RYR3: variants seen among roughly 807,000 people sequenced by gnomAD.
The protein encoded by RYR3 is ryanodine receptor 3, also known as brain ryanodine receptor-calcium release channel.
Under a neutral mutation model 584.3 loss-of-function variants are expected in RYR3, and 207 were observed. That is an observed-to-expected ratio of 0.35 (90% CI 0.32 to 0.40). RYR3 has a LOEUF of 0.40. Ranked by LOEUF, RYR3 falls within the 10% of genes least tolerant of loss-of-function variation. RYR3 has a pLI of 1.00. For missense variants in RYR3, 5,616 were observed against 6,089.2 expected, an observed-to-expected ratio of 0.92 and a Z score of 2.59; for synonymous variants, 2,416 against 2,248.5, an observed-to-expected ratio of 1.07 and a Z score of -2.11.
intron 19 of RYR3, among the ~76,000 whole-genome samples, chr15:33,618,028 G>A (rs908299146): frequency 2.0e-5 from 3 of 152,094 alleles, no homozygotes; most frequent in East Asian, 1.9e-4. Flanking sequence ...GTAGCCCACC[G>A]AAAAGGCTGA....
chr15:33,526,467 C>T (rs1322507798), intron 3 of RYR3, among the ~76,000 whole-genome samples: 1 of 152,150 alleles, frequency 6.6e-6, no homozygotes, highest in Non-Finnish European at 1.5e-5. Flanking sequence ...TCTGGACCTC[C>T]TTTGTGAGCA....
intron 18 of RYR3, among the ~76,000 whole-genome samples, chr15:33,608,736 T>C (rs755828109): frequency 1.3e-5 from 2 of 152,258 alleles, no homozygotes; most frequent in Non-Finnish European, 2.9e-5. Flanking sequence ...ATGGATTCAA[T>C]TTGCTTATAA....
chr15:33,839,821 G>A (rs577387932), intron 89 of RYR3: 4 of 152,240 alleles, frequency 2.6e-5, no homozygotes, highest in East Asian at 1.9e-4. Flanking sequence ...ACGCTGGTTC[G>A]AAGATTCAGG....
At chr15:33,650,397 A>G (rs1221226977) in intron 31 of RYR3, among the ~76,000 whole-genome samples, 2 of 152,212 alleles carry the variant, frequency 1.3e-5, no homozygotes, top group Non-Finnish European at 2.9e-5. Context: ...AAATAAAAAA[A>G]TAAGTGCTGG....
At chr15:33,848,205 G>A in intron 93 of RYR3, 86 bp from the exon 94 acceptor site, 2 of 1,534,558 alleles carry the variant, frequency 1.3e-6, no homozygotes, top group Middle Eastern at 2.3e-4. Flanking sequence ...CTCTGAAGTT[G>A]GAAGGTTAAT....
intron 1 of RYR3, among the ~76,000 whole-genome samples, chr15:33,372,140 T>C (rs1025672681): frequency 7.9e-5 from 12 of 152,298 alleles, no homozygotes; most frequent in African/African-American, 2.9e-4. Flanking sequence ...GGAGATAGGA[T>C]TACTATTCCC....
chr15:33,807,654 G>A (rs1269543236), intron 70 of RYR3, 85 bp downstream of exon 70: 5 of 1,340,470 alleles, frequency 3.7e-6, no homozygotes, highest in South Asian at 1.3e-5. Context: ...TGATCACCAT[G>A]GGGGTGGTAG....
chr15:33,441,422 T>G (rs1030855199), intron 1 of RYR3, among the ~76,000 whole-genome samples: 1 of 152,212 alleles, frequency 6.6e-6, no homozygotes, highest in Non-Finnish European at 1.5e-5. Flanking sequence ...ATATATTAGA[T>G]GACTTAATTT....
chr15:33,836,316 C>T (rs539141374), intron 87 of RYR3, among the ~76,000 whole-genome samples: 61 of 151,848 alleles, frequency 4.0e-4, no homozygotes, highest in African/African-American at 1.3e-3. Flanking sequence ...GTATAAGGCA[C>T]GGAGGTAGCT....
At chr15:33,339,337 A>G (rs1465480235) in intron 1 of RYR3, among the ~76,000 whole-genome samples, 5 of 152,188 alleles carry the variant, frequency 3.3e-5, no homozygotes, top group Non-Finnish European at 5.9e-5. Flanking sequence ...TTCTGCCCGT[A>G]TTTTGGAGAG....
At chr15:33,831,695 G>C (rs2077685209) in intron 86 of RYR3, among the ~76,000 whole-genome samples, 2 of 152,130 alleles carry the variant, frequency 1.3e-5, no homozygotes, top group Admixed American at 1.3e-4. Context: ...TGTCTATGGT[G>C]GTCTAGCTAC....
At position 33,552,640 on chromosome 15, in the gene RYR3, G is replaced by A. The variant is rs1206552288; in HGVS notation, c.972+2324G>A. Among the ~76,000 whole-genome samples the A allele has an allele frequency of 5.3e-5, 8 of 152,278 alleles. No individual in the cohort carries two copies. The South Asian group carries it at 1.5e-3, about 28-fold the overall frequency. ...AAATTAAAATGGCTTAGGCTCTATG[G>A]CAGGCCAAGATATGGCTGTGTTCCC... On this transcript the variant is annotated intron_variant, in intron 10 of 103. Coordinates refer to ENST00000634891, the MANE Select transcript of RYR3 (RefSeq NM_001036.6).
intron 69 of RYR3, among the ~76,000 whole-genome samples, chr15:33,804,860 C>T (rs1347955734): frequency 6.6e-6 from 1 of 152,202 alleles, no homozygotes; most frequent in Non-Finnish European, 1.5e-5. Flanking sequence ...AGCCTCAGTG[C>T]ATATGGCAGG....
At position 33,708,620 on chromosome 15, in the gene RYR3, A is replaced by G. The variant is rs1271101237; in HGVS notation, c.6619+1566A>G. Among the ~76,000 whole-genome samples the G allele has an allele frequency of 2.0e-5, 3 of 152,194 alleles. No homozygotes were observed. The East Asian group carries it at 5.8e-4, about 29-fold the overall frequency. ...TCTGGCAAACTGGCCCATCAATAGAAATATTTGTGGATTTCAGTTTAATGT... is the reference window on the plus strand; with the variant it reads ...TCTGGCAAACTGGCCCATCAATAGAGATATTTGTGGATTTCAGTTTAATGT... On this transcript the variant is annotated intron_variant, in intron 43 of 103. Coordinates refer to ENST00000634891, the MANE Select transcript of RYR3 (RefSeq NM_001036.6).
intron 1 of RYR3, among the ~76,000 whole-genome samples, chr15:33,353,380 T>C (rs1156323233): frequency 6.6e-6 from 1 of 152,106 alleles, no homozygotes; most frequent in Non-Finnish European, 1.5e-5. Context: ...GAGAAACATG[T>C]TAGGGAGTGA....
At chr15:33,490,653 A>C (rs1405148876) in intron 2 of RYR3, among the ~76,000 whole-genome samples, 1 of 152,130 alleles carries the variant, frequency 6.6e-6, no homozygotes, top group Non-Finnish European at 1.5e-5. Context: ...TTTAGAATTT[A>C]ATACAAGCTG....
At chr15:33,695,948 T>C (rs933190952) in intron 38 of RYR3, among the ~76,000 whole-genome samples, 1 of 54,440 alleles carries the variant, frequency 1.8e-5, no homozygotes, top group Non-Finnish European at 5.0e-5. Context: ...CACACCCAGC[T>C]TTTTTTTTTT....
intron 10 of RYR3, among the ~76,000 whole-genome samples, chr15:33,557,882 A>G (rs1444016277): frequency 6.6e-6 from 1 of 152,210 alleles, no homozygotes; most frequent in East Asian, 1.9e-4. Flanking sequence ...GCAGAGGATA[A>G]TGATTACTGC....
chr15:33,392,906 T>C (rs965527525), intron 1 of RYR3, among the ~76,000 whole-genome samples: 1 of 152,228 alleles, frequency 6.6e-6, no homozygotes, highest in Non-Finnish European at 1.5e-5. Context: ...TTGTAATTAT[T>C]GTTCAAGTAT....
Sources: allele counts gnomAD v4.1 joint callset (sites outside exome capture counted in the v4.1 genomes callset), GRCh38; gene constraint gnomAD v4.1.1; transcripts MANE v1.5; gene names NCBI Gene and HGNC (gene_info 2026-07-23, HGNC 2026-07-21).